The following KYNU variants were observed in gnomAD, a reference collection of about 807,000 sequenced individuals.
KYNU encodes the protein L-kynurenine hydrolase.
KYNU carries 54 observed loss-of-function variants against 59.2 expected under a neutral mutation model. The ratio of observed to expected loss-of-function variants is 0.91; its 90% CI spans 0.73 to 1.14. The LOEUF (loss-of-function observed/expected upper bound fraction) is 1.14, where lower values mean the gene tolerates loss of function less well. KYNU is among the 50% of genes most tolerant of loss of function. The probability of loss-of-function intolerance (pLI) is 0.00; values close to 1 mark genes in which losing one functional copy is unlikely to be tolerated. For missense variants in KYNU, 567 were observed against 554.4 expected (o/e 1.02, Z -0.23); for synonymous variants, 177 against 192.0 (o/e 0.92, Z 0.65).
rs1326581876 is a variant in KYNU at position 143,055,390 on chromosome 2, T to G, written c.*13218T>G. 6.6e-6 allele frequency: 1 copy of G among 152,206 alleles called. No individual in the cohort carries two copies. Among genetic ancestry groups the G allele is most frequent in the Non-Finnish European group, 1.5e-5 (1 of 68,040 alleles). 9.4% of individuals were successfully genotyped at this position (152,206 alleles called of 1,614,324 possible). On this transcript the variant is annotated 3_prime_UTR_variant, in exon 14 of 14. Transcript: ENST00000264170. ...CAGCAACGTTTCATCTCTCTACCTA[T>G]TCTTTCATCCTTACATCTTTCTCTA... is the stretch of plus-strand genomic sequence containing the variant.
chr2:142,988,513 C>T (rs902762784), intron 10 of KYNU, among the ~76,000 whole-genome samples: 3 of 151,832 alleles, frequency 2.0e-5, no homozygotes, highest in Admixed American at 6.6e-5. Flanking sequence ...TTACTGATTC[C>T]GCCACTATTT....
rs757900805 is a variant in KYNU, at chr2:143,049,328, G to C, written c.*7156G>C. 4 of 152,070 alleles carry C rather than the reference G, an allele frequency of 2.6e-5. No homozygotes were observed. Among genetic ancestry groups the C allele is most frequent in the Non-Finnish European group, 5.9e-5 (4 of 68,016 alleles). 9.4% of individuals were successfully genotyped at this position (152,070 alleles called of 1,614,324 possible). A position where few individuals can be genotyped will look rare whatever the true frequency, so the allele number is the denominator to read the frequency against. ...TTTAGGCATTAGTAGTGGACATTCT[G>C]GTTCCCCATTGAGCTTCCCTGCATC... On this transcript the variant is annotated 3_prime_UTR_variant, in exon 14 of 14. Transcript: ENST00000264170.
chr2:142,900,191 T>A (rs4662307), intron 2 of KYNU, among the ~76,000 whole-genome samples: 1 of 151,970 alleles, frequency 6.6e-6, no homozygotes, highest in African/African-American at 2.4e-5. Context: ...GCCTTTAGCC[T>A]GATCAGGAGT....
chr2:142,967,539 C>A (rs899386675), intron 8 of KYNU: 4 of 151,998 alleles, frequency 2.6e-5, no homozygotes, highest in Admixed American at 2.0e-4. Context: ...CTTCTGGATC[C>A]AGAATAATTT....
In KYNU at chr2:142,957,651, A is replaced by T; in HGVS notation, c.518A>T (p.Glu173Val). 1 of 1,596,082 alleles carries T rather than the reference A, an allele frequency of 6.3e-7. No individual in the cohort carries two copies. The highest frequency in any genetic ancestry group is 8.6e-7 in the Non-Finnish European group (1 of 1,164,006). ...ATCTTTCCTTTTTAGTATGCTATTG[A>T]GTCACAACTACAACTTCACGGACTT... ...KAFPSDHYAI[E>V]SQLQLHGLNI... Residue 173 changes from glutamate to valine, a missense_variant, in exon 7 of 14, where the codon GAG becomes GTG. Physicochemically the swap from Glu to Val is moderately radical, Grantham distance 121. Transcript: ENST00000264170.
chr2:143,033,134 G>A, intron 11 of KYNU, 102 bp from the exon 12 acceptor site: 1 of 839,318 alleles, frequency 1.2e-6, no homozygotes, highest in Non-Finnish European at 2.1e-6. Flanking sequence ...TACTTAGGAA[G>A]AAAAGTTTAA....
intron 2 of KYNU, among the ~76,000 whole-genome samples, chr2:142,893,203 G>A (rs538789204): frequency 2.8e-4 from 43 of 152,172 alleles, no homozygotes; most frequent in Admixed American, 1.8e-3. Context: ...CTGTGGGTAC[G>A]GATGATATTA....
chr2:142,898,472 A>G (rs1036542387), intron 2 of KYNU, among the ~76,000 whole-genome samples: 7 of 31,582 alleles, frequency 2.2e-4, no homozygotes, highest in African/African-American at 1.4e-3. Context: ...GTTCAAGGGA[A>G]AAAAAAAATC....
At chr2:142,923,766 A>G (rs1369243120) in intron 3 of KYNU, among the ~76,000 whole-genome samples, 1 of 152,192 alleles carries the variant, frequency 6.6e-6, no homozygotes, top group Admixed American at 6.5e-5. Flanking sequence ...TCTCTTTTTC[A>G]TAAGAGCAAA....
intron 10 of KYNU, among the ~76,000 whole-genome samples, chr2:143,026,332 C>A (rs908134247): frequency 6.6e-6 from 1 of 152,162 alleles, no homozygotes; most frequent in Non-Finnish European, 1.5e-5. Context: ...CAGATGGTTT[C>A]GACACTGAAA....
intron 2 of KYNU, among the ~76,000 whole-genome samples, chr2:142,910,371 C>T (rs1224018032): frequency 2.0e-5 from 3 of 151,932 alleles, no homozygotes; most frequent in African/African-American, 7.3e-5. Context: ...CTCCTGACCT[C>T]GTGATCTGCC....
rs1467455615 is a variant in KYNU, at chr2:143,053,881, G to A, written c.*11709G>A. ...ATTAGCGTTGGAAGTGGGGTTGTGG[G>A]GGCAGTCTTGTGGAACTGAGCCCTT... On this transcript the variant is annotated 3_prime_UTR_variant, in exon 14 of 14. Coordinates refer to ENST00000264170, the MANE Select transcript of KYNU (RefSeq NM_003937.3). 2.0e-5 allele frequency: 3 copies of A among 152,232 alleles called. No homozygotes were observed. The highest frequency in any genetic ancestry group is 1.5e-5 in the Non-Finnish European group (1 of 68,072). 9.4% of individuals were successfully genotyped at this position (152,232 alleles called of 1,614,324 possible). A position where few individuals can be genotyped will look rare whatever the true frequency, so the allele number is the denominator to read the frequency against.
chr2:142,894,161 C>T (rs1204949992), intron 2 of KYNU, among the ~76,000 whole-genome samples: 1 of 152,124 alleles, frequency 6.6e-6, no homozygotes, highest in African/African-American at 2.4e-5. Context: ...CAATCTAGAC[C>T]TCAGAGAGAA....
At position 143,042,583 on chromosome 2, in the gene KYNU, G is replaced by GATAT. The variant is rs10528472; in HGVS notation, c.*456_*459dup. 109 of 136,376 alleles carry GATAT rather than the reference G, an allele frequency of 8.0e-4. No individual in the cohort carries two copies. Among genetic ancestry groups the GATAT allele is most frequent in the African/African-American group, 2.0e-3 (65 of 32,934 alleles). The allele number at this position is 136,376 out of a possible 1,614,324, so 8.4% of individuals were successfully genotyped here. A position where few individuals can be genotyped will look rare whatever the true frequency, so the allele number is the denominator to read the frequency against. ...GAGTTTCTTTGAAGCATTGTAGTCT[G>GATAT]ATATATATATATATATATATATATA... On this transcript the variant is annotated 3_prime_UTR_variant, in exon 14 of 14. Coordinates refer to ENST00000264170, the MANE Select transcript of KYNU (RefSeq NM_003937.3).
chr2:142,879,615 A>C (rs1019977783), intron 1 of KYNU: 2 of 152,320 alleles, frequency 1.3e-5, no homozygotes, highest in African/African-American at 4.8e-5. Context: ...TGTGCATTCC[A>C]TTCATGGGCT....
chr2:143,028,308 C>A (rs374387089), intron 10 of KYNU, among the ~76,000 whole-genome samples: 1 of 130,906 alleles, frequency 7.6e-6, no homozygotes, highest in African/African-American at 2.8e-5. Flanking sequence ...TGCAGTGGCT[C>A]CATCTCGGCT....
chr2:143,016,713 G>C (rs1435441103), intron 10 of KYNU, among the ~76,000 whole-genome samples: 1 of 152,108 alleles, frequency 6.6e-6, no homozygotes, highest in East Asian at 1.9e-4. Flanking sequence ...TTTAGTTCCA[G>C]TTTGTTTATT....
chr2:142,930,077 T>C (rs1490671995), intron 4 of KYNU, among the ~76,000 whole-genome samples: 1 of 152,236 alleles, frequency 6.6e-6, no homozygotes, highest in Non-Finnish European at 1.5e-5. Context: ...TTGATTTTCT[T>C]CTTTATCTGT....
chr2:143,023,749 G>T (rs1227949844), intron 10 of KYNU, among the ~76,000 whole-genome samples: 1 of 150,784 alleles, frequency 6.6e-6, no homozygotes, highest in Non-Finnish European at 1.5e-5. Flanking sequence ...TAAAGAAAAA[G>T]AAAAATTTAA....
Sources: gnomAD v4.1 joint callset for allele counts (sites outside exome capture counted in the v4.1 genomes callset) on GRCh38, gnomAD v4.1.1 for gene constraint, MANE v1.5 for transcripts, NCBI Gene and HGNC (gene_info 2026-07-23, HGNC 2026-07-21) for gene names.